The following BCAT1 variants were observed in gnomAD, a reference collection of about 807,000 sequenced individuals.
The protein encoded by BCAT1 is branched-chain-amino-acid aminotransferase, cytosolic.
A neutral mutation model predicts 52.4 loss-of-function variants in BCAT1; 48 were observed. The observed-to-expected ratio is 0.92, with a 90% CI of 0.73 to 1.16. The LOEUF (loss-of-function observed/expected upper bound fraction) is 1.16. BCAT1 is among the 50% of genes most tolerant of loss of function. The probability of loss-of-function intolerance (pLI) is 0.00; values close to 1 mark genes in which losing one functional copy is unlikely to be tolerated. For missense variants in BCAT1, 451 were observed against 457.1 expected (o/e 0.99, Z 0.12); for synonymous variants, 167 against 161.3 (o/e 1.04, Z -0.27).
At chr12:24,924,483 C>A (rs1239346905) in intron 1 of BCAT1, among the ~76,000 whole-genome samples, 1 of 152,078 alleles carries the variant, frequency 6.6e-6, no homozygotes, top group Non-Finnish European at 1.5e-5. Flanking sequence ...ATGACTAATG[C>A]AGGAACCAAT....
intron 5 of BCAT1, among the ~76,000 whole-genome samples, chr12:24,866,696 A>C (rs1168625817): frequency 5.3e-5 from 8 of 152,212 alleles, no homozygotes; most frequent in African/African-American, 1.9e-4. Flanking sequence ...GGGTTTGTAA[A>C]TACATCAATC....
chr12:24,876,285 A>T (rs1336923610), intron 5 of BCAT1, among the ~76,000 whole-genome samples: 1 of 151,386 alleles, frequency 6.6e-6, no homozygotes, highest in Non-Finnish European at 1.5e-5. Flanking sequence ...AAAAGAAAGA[A>T]AAGAAAAATG....
At chr12:24,891,467 A>G (rs1942835899) in intron 3 of BCAT1, among the ~76,000 whole-genome samples, 1 of 152,212 alleles carries the variant, frequency 6.6e-6, no homozygotes, top group Non-Finnish European at 1.5e-5. Context: ...CATCCTAGTC[A>G]ACCCCAGAAA....
chr12:24,887,062 A>AAAAAT (rs1491198195), intron 3 of BCAT1, among the ~76,000 whole-genome samples: 104 of 23,532 alleles, frequency 4.4e-3, no homozygotes, highest in African/African-American at 0.01. Flanking sequence ...GATGCTAGCT[A>AAAAAT]AAAAAAAAAA....
Position 24,814,485 on chromosome 12 carries a change from T to C in BCAT1, c.*3523A>G, listed in dbSNP as rs1019187965. 3 of 151,026 alleles carry C rather than the reference T, an allele frequency of 2.0e-5. No homozygotes were observed. Among genetic ancestry groups the C allele is most frequent in the African/African-American group, 7.3e-5 (3 of 41,128 alleles). 9.4% of individuals were successfully genotyped at this position (151,026 alleles called of 1,614,324 possible). A position where few individuals can be genotyped will look rare whatever the true frequency, so the allele number is the denominator to read the frequency against. Reference sequence around the variant, plus strand: ...GGATTGAAGAAAATAAATGAGCTTATTTTGGCAGCTGCTTTCATAGCACAA... The same window carrying C: ...GGATTGAAGAAAATAAATGAGCTTACTTTGGCAGCTGCTTTCATAGCACAA... On this transcript the variant is annotated 3_prime_UTR_variant, in exon 11 of 11. Coordinates refer to ENST00000261192, the MANE Select transcript of BCAT1 (RefSeq NM_005504.7).
intron 2 of BCAT1, among the ~76,000 whole-genome samples, chr12:24,896,956 G>C (rs1237984465): frequency 6.6e-6 from 1 of 152,214 alleles, no homozygotes; most frequent in Non-Finnish European, 1.5e-5. Flanking sequence ...AGGATTTAAA[G>C]AGAGTGAAAT....
chr12:24,878,030 T>C (rs1942394008), intron 5 of BCAT1, among the ~76,000 whole-genome samples: 1 of 151,986 alleles, frequency 6.6e-6, no homozygotes, highest in African/African-American at 2.4e-5. Context: ...AGCACATGCC[T>C]GTAGTACTAG....
At chr12:24,919,823 C>T (rs1943476389) in intron 1 of BCAT1, among the ~76,000 whole-genome samples, 1 of 152,150 alleles carries the variant, frequency 6.6e-6, no homozygotes, top group African/African-American at 2.4e-5. Context: ...GGCGGTTTCC[C>T]CCATATAGTT....
chr12:24,868,081 T>A (rs769868537), intron 5 of BCAT1, among the ~76,000 whole-genome samples: 1 of 152,148 alleles, frequency 6.6e-6, no homozygotes, highest in Admixed American at 6.5e-5. Context: ...AAAATGCCTA[T>A]CACGAGCCAA....
intron 5 of BCAT1, among the ~76,000 whole-genome samples, chr12:24,875,255 T>A (rs1428844761): frequency 6.6e-6 from 1 of 152,184 alleles, no homozygotes; most frequent in African/African-American, 2.4e-5. Context: ...TTGCGTAACA[T>A]CTGTAGGGGG....
intron 5 of BCAT1, among the ~76,000 whole-genome samples, chr12:24,865,284 CTTCT>C (rs1247831313): frequency 6.6e-6 from 1 of 152,206 alleles, no homozygotes; most frequent in African/African-American, 2.4e-5. Flanking sequence ...CAAAAAAAGA[CTTCT>C]TTCTCATTCT....
At chr12:24,946,991 G>T (rs909841665) in intron 1 of BCAT1, among the ~76,000 whole-genome samples, 1 of 151,812 alleles carries the variant, frequency 6.6e-6, no homozygotes, top group Non-Finnish European at 1.5e-5. Context: ...TGAAAATATT[G>T]GCCAGCATTA....
chr12:24,889,293 A>G (rs1942771768), intron 3 of BCAT1, among the ~76,000 whole-genome samples: 1 of 152,218 alleles, frequency 6.6e-6, no homozygotes, highest in Non-Finnish European at 1.5e-5. Flanking sequence ...AGCCACTTCA[A>G]TAATATCTGG....
intron 5 of BCAT1, among the ~76,000 whole-genome samples, chr12:24,878,216 G>A (rs1050501038): frequency 1.3e-5 from 2 of 151,368 alleles, no homozygotes; most frequent in African/African-American, 4.9e-5. Context: ...GAGATATTTT[G>A]TATTTCTTAA....
chr12:24,871,448 A>G (rs1942182127), intron 5 of BCAT1, among the ~76,000 whole-genome samples: 1 of 152,230 alleles, frequency 6.6e-6, no homozygotes, highest in African/African-American at 2.4e-5. Context: ...TGGGCGAAAA[A>G]GAGAAGAAAC....
intron 7 of BCAT1, among the ~76,000 whole-genome samples, chr12:24,837,935 A>C (rs1941050940): frequency 6.6e-6 from 1 of 152,216 alleles, no homozygotes. Flanking sequence ...ATCCCTAACT[A>C]CTGTGAGGTC....
chr12:24,835,683 T>A (rs1940890528), intron 8 of BCAT1, among the ~76,000 whole-genome samples: 1 of 151,978 alleles, frequency 6.6e-6, no homozygotes, highest in Admixed American at 6.6e-5. Context: ...GACCTCCAGA[T>A]CTTATGCCAT....
intron 1 of BCAT1, among the ~76,000 whole-genome samples, chr12:24,919,315 G>A (rs922098126): frequency 7.2e-5 from 11 of 152,178 alleles, no homozygotes; most frequent in Middle Eastern, 3.2e-3. Context: ...TGAAATGTCC[G>A]CAGGACTTTT....
chr12:24,852,066 A>G (rs1161903096), intron 5 of BCAT1, among the ~76,000 whole-genome samples: 1 of 151,926 alleles, frequency 6.6e-6, no homozygotes, highest in Non-Finnish European at 1.5e-5. Context: ...TTCTCCTGAG[A>G]TCTGATGGTT....
Sources: gnomAD v4.1 joint callset for allele counts (sites outside exome capture counted in the v4.1 genomes callset) on GRCh38, gnomAD v4.1.1 for gene constraint, MANE v1.5 for transcripts, NCBI Gene and HGNC (gene_info 2026-07-23, HGNC 2026-07-21) for gene names.